Variants in GRIN2D observed in about 807,000 individuals in gnomAD.
GRIN2D encodes glutamate receptor ionotropic, NMDA 2D.
Under a neutral mutation model 103.2 loss-of-function variants are expected in GRIN2D, and 37 were observed. That is an observed-to-expected ratio of 0.36 (90% CI 0.28 to 0.47). The LOEUF is 0.47. Ranked by LOEUF, GRIN2D falls within the 20% of genes least tolerant of loss-of-function variation. The probability of loss-of-function intolerance (pLI) is 1.00; values close to 1 mark genes in which losing one functional copy is unlikely to be tolerated. For synonymous variants in GRIN2D, 845 were observed against 885.6 expected (o/e 0.95, Z 0.81); for missense variants, 1,557 against 1,910.6 (o/e 0.81, Z 3.45).
At chr19:48,397,883 A>C in intron 2 of GRIN2D, among the ~76,000 whole-genome samples, 2 of 142,074 alleles carry the variant, frequency 1.4e-5, no homozygotes, top group African/African-American at 5.3e-5. Context: ...CCCTGACCCC[A>C]TTATCCACCC....
At chr19:48,433,503 C>T (rs923450461) in intron 11 of GRIN2D, among the ~76,000 whole-genome samples, 2 of 152,198 alleles carry the variant, frequency 1.3e-5, no homozygotes, top group Admixed American at 1.3e-4. Flanking sequence ...AGAGGCAGCT[C>T]CCAGGGCTCT....
intron 3 of GRIN2D, among the ~76,000 whole-genome samples, chr19:48,402,110 GAGAAGGAA>G (rs747488112): frequency 9.2e-6 from 1 of 109,150 alleles, no homozygotes; most frequent in Non-Finnish European, 1.9e-5. Flanking sequence ...AAGAGAGAAA[GAGAAGGAA>G]AGAAAGAAAG....
At chr19:48,423,126 G>T (rs751352520) in intron 11 of GRIN2D, among the ~76,000 whole-genome samples, 1 of 152,076 alleles carries the variant, frequency 6.6e-6, no homozygotes, top group Non-Finnish European at 1.5e-5. Flanking sequence ...CAGGAGGATC[G>T]CTTGAATGCA....
chr19:48,426,965 C>T (rs1039829183), intron 11 of GRIN2D, among the ~76,000 whole-genome samples: 4 of 152,200 alleles, frequency 2.6e-5, no homozygotes, highest in East Asian at 1.9e-4. Flanking sequence ...GTTGTATTCC[C>T]ATAGGTGGAA....
rs1970989435 is a variant in GRIN2D, at chr19:48,419,459, A to AG, written c.1861+103dup. On this transcript the variant is annotated intron_variant, in intron 9 of 13. Coordinates refer to ENST00000263269, the MANE Select transcript of GRIN2D (RefSeq NM_000836.4). ...CCCCTGGAGGGGGGGCGGTCAAGCTAGGGCCTCTCGGGAGGTGCCAGATGC... is the reference window on the plus strand; with the variant it reads ...CCCCTGGAGGGGGGGCGGTCAAGCTAGGGGCCTCTCGGGAGGTGCCAGATGC... 5 of 1,462,146 alleles carry AG rather than the reference A, an allele frequency of 3.4e-6. No individual in the cohort carries two copies. In the South Asian group the frequency reaches 5.0e-5, roughly 15 times the overall value. 90.6% of individuals were successfully genotyped at this position (1,462,146 alleles called of 1,614,324 possible).
chr19:48,439,484 A>C (rs950928786), intron 11 of GRIN2D, among the ~76,000 whole-genome samples: 4 of 152,156 alleles, frequency 2.6e-5, no homozygotes, highest in Admixed American at 2.6e-4. Flanking sequence ...TTGCAGTCTC[A>C]TGGGGAAGGT....
At chr19:48,395,452 C>T (rs1970627511) in intron 2 of GRIN2D, among the ~76,000 whole-genome samples, 1 of 152,046 alleles carries the variant, frequency 6.6e-6, no homozygotes, top group Non-Finnish European at 1.5e-5. Context: ...ACCCTTCCAG[C>T]CTCTTCCAAG....
At chr19:48,412,344 A>C (rs547387487) in intron 4 of GRIN2D, among the ~76,000 whole-genome samples, 44 of 150,786 alleles carry the variant, frequency 2.9e-4, no homozygotes, top group African/African-American at 7.3e-4. Context: ...TAAATAAATA[A>C]ATACATACAT....
intron 11 of GRIN2D, among the ~76,000 whole-genome samples, chr19:48,434,478 C>T (rs943769054): frequency 1.3e-5 from 2 of 152,152 alleles, no homozygotes; most frequent in African/African-American, 4.8e-5. Flanking sequence ...TGGTCTTGAA[C>T]TTCTGACCTG....
intron 4 of GRIN2D, among the ~76,000 whole-genome samples, chr19:48,410,341 G>C (rs553181104): frequency 6.6e-6 from 1 of 150,428 alleles, no homozygotes; most frequent in South Asian, 2.1e-4. Flanking sequence ...CATCCTGGCC[G>C]ACACAGCAAA....
intron 4 of GRIN2D, among the ~76,000 whole-genome samples, chr19:48,412,721 G>A (rs1331709902): frequency 5.9e-5 from 9 of 151,496 alleles, no homozygotes; most frequent in East Asian, 1.9e-4. Flanking sequence ...CCCGGGAGGC[G>A]GAGGTTGCAG....
intron 11 of GRIN2D, among the ~76,000 whole-genome samples, chr19:48,433,039 C>T (rs1329777130): frequency 1.8e-4 from 23 of 126,642 alleles, no homozygotes; most frequent in African/African-American, 6.5e-4. Context: ...GATCCACCCA[C>T]CTCAGCCTCC....
chr19:48,412,866 C>A (rs1316946830), intron 4 of GRIN2D, among the ~76,000 whole-genome samples: 2 of 144,934 alleles, frequency 1.4e-5, no homozygotes, highest in Non-Finnish European at 3.0e-5. Context: ...CATGGTGGCT[C>A]ATGCCTGTAA....
In GRIN2D at chr19:48,419,351, C is replaced by G; in HGVS notation, c.1853C>G (p.Thr618Arg). ...GTTGGTTACAACCGCAGCCTGGCCA[C>G]GGGCAAGCGTGAGTCCCCCTTCCTC... ...SPVGYNRSLA[T>R]GKRPGGSTFT... Residue 618 changes from threonine to arginine, a missense_variant, in exon 9 of 14, where the codon ACG (threonine) becomes AGG (arginine). By Grantham distance (71) the Thr-to-Arg change is moderately conservative. This residue lies in a region of GRIN2D where 197 missense variants were observed against 334.1 expected (regional missense o/e 0.59). Transcript: ENST00000263269. 1 of 1,602,286 alleles carries G rather than the reference C, an allele frequency of 6.2e-7. No homozygotes were observed. The highest frequency in any genetic ancestry group is 8.5e-7 in the Non-Finnish European group (1 of 1,178,134).
At chr19:48,398,911 A>AGGCAGCCT in intron 3 of GRIN2D, 54 bp downstream of exon 3, 2 of 495,378 alleles carry the variant, frequency 4.0e-6, no homozygotes, top group Non-Finnish European at 4.6e-6. Context: ...ACAGCCGCTG[A>AGGCAGCCT]GGGGCGGGAC....
In GRIN2D at chr19:48,443,113, C is replaced by T; in HGVS notation, c.3187C>T (p.Arg1063Cys). Reference sequence around the variant, plus strand: ...CCCGCCGGCGCCCGCGCGGTGGCCGCGCTCGGACCCCGAGAGCCAACCCCT... The same window carrying T: ...CCCGCCGGCGCCCGCGCGGTGGCCGTGCTCGGACCCCGAGAGCCAACCCCT... Reference protein sequence around the residue: ...ESPPAPARWPRSDPESQPLLG... With the variant: ...ESPPAPARWPCSDPESQPLLG... The change falls in exon 14 of 14, where the codon CGC becomes TGC. Residue 1063 changes from arginine (R) to cysteine (C), a missense_variant. Arg to Cys is a radical substitution (Grantham distance 180, BLOSUM62 -3). Around this residue, in one of 7 missense-constraint regions of GRIN2D, gnomAD observed 632 missense variants for 572.8 expected, o/e 1.10. Transcript: ENST00000263269. This position sits in a 1 kb window ranked among gnomAD's most constrained non-coding sequence, Gnocchi z 8.9. The T allele has an allele frequency of 2.0e-6, 2 of 1,017,656 alleles. No individual in the cohort carries two copies. The highest frequency in any genetic ancestry group is 2.4e-6 in the Non-Finnish European group (2 of 849,452). 63.0% of individuals were successfully genotyped at this position (1,017,656 alleles called of 1,614,324 possible). A position where few individuals can be genotyped will look rare whatever the true frequency, so the allele number is the denominator to read the frequency against.
chr19:48,438,714 G>A (rs140772838), intron 11 of GRIN2D, among the ~76,000 whole-genome samples: 688 of 152,140 alleles, frequency 4.5e-3, no homozygotes, highest in Non-Finnish European at 7.0e-3. Context: ...GATTACAGGC[G>A]TGAGTCACTG....
chr19:48,410,775 G>C (rs1298202182), intron 4 of GRIN2D, among the ~76,000 whole-genome samples: 4 of 152,098 alleles, frequency 2.6e-5, no homozygotes, highest in Admixed American at 6.6e-5. Context: ...GGCCTAGGAG[G>C]GCTGTGGGGA....
At chr19:48,441,059 A>T (rs995996084) in intron 11 of GRIN2D, among the ~76,000 whole-genome samples, 8 of 152,184 alleles carry the variant, frequency 5.3e-5, no homozygotes, top group Non-Finnish European at 8.8e-5. Flanking sequence ...TAAAGGAATA[A>T]CTATTTCATT....
Sources: gnomAD v4.1 joint callset for allele counts (sites outside exome capture counted in the v4.1 genomes callset) on GRCh38, gnomAD v4.1.1 for gene constraint, gnomAD v4.1.1 regional missense constraint, Gnocchi (gnomAD v3.1) non-coding constraint, MANE v1.5 for transcripts, NCBI Gene and HGNC (gene_info 2026-07-23, HGNC 2026-07-21) for gene names.